Variants in DDR1 observed in about 807,000 individuals in gnomAD.
The protein encoded by DDR1 is epithelial discoidin domain-containing receptor 1.
DDR1 carries 64 observed loss-of-function variants against 97.4 expected under a neutral mutation model. That is an observed-to-expected ratio of 0.66 (90% CI 0.54 to 0.81). DDR1 has a LOEUF of 0.81. Ranked by LOEUF, DDR1 falls within the 30% of genes least tolerant of loss-of-function variation. DDR1 has a pLI of 0.00. For missense variants in DDR1, 990 were observed against 1,259.6 expected (o/e 0.79, Z 3.24); for synonymous variants, 458 against 503.7 (o/e 0.91, Z 1.21).
chr6:30,888,719 G>T lies in DDR1; in HGVS notation c.-11G>T. 1 of 1,612,734 alleles carries T rather than the reference G, an allele frequency of 6.2e-7. No homozygotes were observed. ...TGCCCCCACCCCCTTAGGCCCGAGG[G>T]ATCAGGAGCTATGGGACCAGAGGCC... On this transcript the variant is annotated 5_prime_UTR_variant, in exon 2 of 18. Coordinates refer to ENST00000376568, the MANE Select transcript of DDR1 (RefSeq NM_001297654.2). This position sits in a 1 kb window ranked among gnomAD's most constrained non-coding sequence, Gnocchi z 4.2.
rs201573522 is a variant in DDR1 at position 30,893,079 on chromosome 6, A to T, written c.1111A>T (p.Asn371Tyr). 272 of 1,612,388 alleles carry T rather than the reference A, an allele frequency of 1.7e-4. No individual in the cohort carries two copies. Among genetic ancestry groups the T allele is most frequent in the Non-Finnish European group, 2.1e-4 (244 of 1,179,806 alleles). The change falls in exon 9 of 18, where the codon AAT becomes TAT. Residue 371 changes from asparagine to tyrosine, a missense_variant. Transcript: ENST00000376568. ...TTCCTTCTCCCCAGATGTGGTGAAC[A>T]ATTCCTCTCCGGCACTGGGAGGCAC... ...EISFISDVVN[N>Y]SSPALGGTFP...
intron 1 of DDR1, among the ~76,000 whole-genome samples, chr6:30,887,759 AT>A (rs1190017524): frequency 6.6e-6 from 1 of 151,842 alleles, no homozygotes; most frequent in African/African-American, 2.4e-5. Flanking sequence ...CTTCTTTTTT[AT>A]TTTTATTTTT....
In DDR1 at chr6:30,891,941, G is replaced by A; in HGVS notation, c.666-61G>A. On this transcript the variant is annotated intron_variant, in intron 6 of 17. Transcript: ENST00000376568. This position sits in a 1 kb window ranked among gnomAD's most constrained non-coding sequence, Gnocchi z 5.3. The stretch of plus-strand genomic sequence containing the variant: ...GTGCCGGAGGGTGGCGGAGCAGAAT[G>A]CCTGGATGTCAAGACCCTCTTCCCT... 1 of 1,583,828 alleles carries A rather than the reference G, an allele frequency of 6.3e-7. No homozygotes were observed. The highest frequency in any genetic ancestry group is 8.6e-7 in the Non-Finnish European group (1 of 1,156,356).
rs1785193916 is a variant in DDR1, at chr6:30,884,845, A to AGACTCCCTGCCC, written c.-43+136_-43+137insACTCCCTGCCCG. On this transcript the variant is annotated intron_variant, in intron 1 of 17. Transcript: ENST00000376568. This position sits in a 1 kb window ranked among gnomAD's most constrained non-coding sequence, Gnocchi z 6.1. ...CATGCTTGGTCGTCCAGCTCTTCTAAGCCTCCCTGCCCGCCTCCCCGATGC... is the reference window on the plus strand; with the variant it reads ...CATGCTTGGTCGTCCAGCTCTTCTAAGACTCCCTGCCCGCCTCCCTGCCCGCCTCCCCGATGC... 4.3e-6 allele frequency: 1 copy of AGACTCCCTGCCC among 233,412 alleles called. No individual in the cohort carries two copies. The highest frequency in any genetic ancestry group is 1.5e-4 in the South Asian group (1 of 6,502). The allele number at this position is 233,412 out of a possible 1,614,324, so 14.5% of individuals were successfully genotyped here.
In DDR1 at chr6:30,891,306, C is replaced by A; in HGVS notation, c.566-74C>A. The A allele has an allele frequency of 6.9e-7, 1 of 1,445,436 alleles. No homozygotes were observed. Among genetic ancestry groups the A allele is most frequent in the Non-Finnish European group, 9.6e-7 (1 of 1,043,398 alleles). 89.5% of individuals were successfully genotyped at this position (1,445,436 alleles called of 1,614,324 possible). ...AGAGATACAAGAAGGGACCTGAAAC[C>A]TGCCCAGGCCTGATGCAGGGATGGG... On this transcript the variant is annotated intron_variant, in intron 5 of 17. Coordinates refer to ENST00000376568, the MANE Select transcript of DDR1 (RefSeq NM_001297654.2). This position sits in a 1 kb window ranked among gnomAD's most constrained non-coding sequence, Gnocchi z 5.3.
rs1790402560 is a variant in DDR1, at chr6:30,895,474, C to T, written c.1584C>T (p.Gly528=). Residue 528 remains glycine, a synonymous_variant, in exon 12 of 18, where the codon GGC becomes GGT. Coordinates refer to ENST00000376568, the MANE Select transcript of DDR1 (RefSeq NM_001297654.2). ...ACGCCCGTCCCCCTCGAGGCCCGGG[C>T]CCCCCCACACCCGCCTGGGCCAAAC... ...ATYARPPRGP[G]PPTPAWAKPT... is the part of the protein sequence containing the mutation. The T allele has an allele frequency of 2.5e-6, 4 of 1,602,136 alleles. No homozygotes were observed. The highest frequency in any genetic ancestry group is 1.1e-5 in the South Asian group (1 of 90,072).
At position 30,899,282 on chromosome 6, in the gene DDR1, C is replaced by G. The variant is rs778994942; in HGVS notation, c.2728C>G (p.Leu910Val). 32 of 1,612,028 alleles carry G rather than the reference C, an allele frequency of 2.0e-5. No individual in the cohort carries two copies. The highest frequency in any genetic ancestry group is 2.7e-5 in the Non-Finnish European group (32 of 1,178,600). The stretch of plus-strand genomic sequence containing the variant: ...GCATCGGTTCCTGGCAGAGGATGCA[C>G]TCAACACGGTGTGAATCACACATCC... The part of the protein sequence containing the change: ...QLHRFLAEDA[L>V]NTV The change falls in exon 18 of 18, where the codon CTC becomes GTC. Residue 910 changes from leucine to valine, a missense_variant. Leu to Val is a conservative substitution (Grantham distance 32). Transcript: ENST00000376568.
Position 30,891,483 on chromosome 6 carries a change from A to C in DDR1, c.665+4A>C. On this transcript the variant is annotated splice_donor_region_variant and intron_variant, in intron 6 of 17. Transcript: ENST00000376568. The surrounding 1 kb of genome is among the most constrained non-coding windows in gnomAD (Gnocchi z 5.3). Reference sequence around the variant, plus strand: ...ATGACGGACATACCGTGGGCGGGTAAGAAAGGCCCCTGCAGGATATGGAGT... The same window carrying C: ...ATGACGGACATACCGTGGGCGGGTACGAAAGGCCCCTGCAGGATATGGAGT... The C allele has an allele frequency of 6.2e-7, 1 of 1,608,848 alleles. No individual in the cohort carries two copies. Among genetic ancestry groups the C allele is most frequent in the South Asian group, 1.1e-5 (1 of 90,932 alleles).
chr6:30,882,630 A>T (rs1466761178), upstream of DDR1: 1 of 152,412 alleles, frequency 6.6e-6, no homozygotes, highest in Non-Finnish European at 1.5e-5. This position sits in a 1 kb window ranked among gnomAD's most constrained non-coding sequence, Gnocchi z 4.8. Flanking sequence ...AGCTGGGGCG[A>T]GGTGGGCATC....
Position 30,891,560 on chromosome 6 carries a change from A to AGT in DDR1, c.665+92_665+93dup. On this transcript the variant is annotated intron_variant, in intron 6 of 17. Transcript: ENST00000376568. The surrounding 1 kb of genome is among the most constrained non-coding windows in gnomAD (Gnocchi z 5.3). ...GTGTGTGTGTGTGTGTGTGTGTGAG[A>AGT]GTGTGTGTGTGTAGGGGGGCTGGTA... The AGT allele has an allele frequency of 6.1e-6, 3 of 487,996 alleles. No homozygotes were observed. Among genetic ancestry groups the AGT allele is most frequent in the Non-Finnish European group, 9.4e-6 (3 of 318,962 alleles). 30.2% of individuals were successfully genotyped at this position (487,996 alleles called of 1,614,324 possible).
At chr6:30,892,614 C>T in intron 8 of DDR1, 72 bp downstream of exon 8, 1 of 1,487,866 alleles carries the variant, frequency 6.7e-7, no homozygotes, top group Non-Finnish European at 8.9e-7. Context: ...CCTGCAGTGT[C>T]CCTAAAATAC....
chr6:30,889,117 A>AG lies in DDR1; in HGVS notation c.189-80dup. On this transcript the variant is annotated intron_variant, in intron 3 of 17. Coordinates refer to ENST00000376568, the MANE Select transcript of DDR1 (RefSeq NM_001297654.2). The surrounding 1 kb of genome is among the most constrained non-coding windows in gnomAD (Gnocchi z 4.9). Reference sequence around the variant, plus strand: ...ATGCCAGTGAAACCCCTGCAGGCTGAGGGGGCAAATGAAGTGGGGTTTAAA... The same window carrying AG: ...ATGCCAGTGAAACCCCTGCAGGCTGAGGGGGGCAAATGAAGTGGGGTTTAAA... 5 of 1,580,922 alleles carry AG rather than the reference A, an allele frequency of 3.2e-6. No individual in the cohort carries two copies. Among genetic ancestry groups the AG allele is most frequent in the Non-Finnish European group, 4.3e-6 (5 of 1,152,158 alleles).
Position 30,893,398 on chromosome 6 carries a change from T to A in DDR1, c.1322T>A (p.Leu441Gln), listed in dbSNP as rs1390383141. ...ATCATTGCCCTCATGCTCTGGCGGC[T>A]GCACTGGCGCAGGCTCCTCAGCAAG... ...LLIIALMLWR[L>Q]HWRRLLSKAE... The change falls in exon 10 of 18, where the codon CTG (leucine) becomes CAG (glutamine). Residue 441 changes from leucine to glutamine, a missense_variant. Coordinates refer to ENST00000376568, the MANE Select transcript of DDR1 (RefSeq NM_001297654.2). 1.2e-6 allele frequency: 2 copies of A among 1,605,968 alleles called. No homozygotes were observed. Among genetic ancestry groups the A allele is most frequent in the Admixed American group, 1.7e-5 (1 of 60,004 alleles).
chr6:30,899,776 C>T lies in DDR1; in HGVS notation c.*480C>T, dbSNP rs1185869975. ...GACAAGAAGGAGAGGAAAATGTTTC[C>T]TTGTGCCTGCTCCTGTACTTGTCCT... On this transcript the variant is annotated 3_prime_UTR_variant, in exon 18 of 18. Coordinates refer to ENST00000376568, the MANE Select transcript of DDR1 (RefSeq NM_001297654.2). 1.2e-5 allele frequency: 4 copies of T among 337,570 alleles called. No homozygotes were observed. Among genetic ancestry groups the T allele is most frequent in the Non-Finnish European group, 2.2e-5 (4 of 180,466 alleles). 20.9% of individuals were successfully genotyped at this position (337,570 alleles called of 1,614,324 possible). A position where few individuals can be genotyped will look rare whatever the true frequency, so the allele number is the denominator to read the frequency against.
chr6:30,892,901 A>G lies in DDR1; in HGVS notation c.1100-167A>G, dbSNP rs943654915. ...AGCAACTATAGGGTTAACACCCACC[A>G]CAGCTGGGTGTTCCAGGACCCTGCT... On this transcript the variant is annotated intron_variant, in intron 8 of 17. Coordinates refer to ENST00000376568, the MANE Select transcript of DDR1 (RefSeq NM_001297654.2). The G allele has an allele frequency of 4.6e-6, 3 of 648,978 alleles. No homozygotes were observed. The African/African-American group carries it at 5.5e-5, about 12-fold the overall frequency. 40.2% of individuals were successfully genotyped at this position (648,978 alleles called of 1,614,324 possible). A position where few individuals can be genotyped will look rare whatever the true frequency, so the allele number is the denominator to read the frequency against.
In DDR1 at chr6:30,899,493, T is replaced by C. The variant is rs1448010622; in HGVS notation, c.*197T>C. 3.3e-5 allele frequency: 21 copies of C among 642,240 alleles called. No individual in the cohort carries two copies. Among genetic ancestry groups the C allele is most frequent in the Non-Finnish European group, 4.9e-5 (19 of 385,242 alleles). 39.8% of individuals were successfully genotyped at this position (642,240 alleles called of 1,614,324 possible). A position where few individuals can be genotyped will look rare whatever the true frequency, so the allele number is the denominator to read the frequency against. On this transcript the variant is annotated 3_prime_UTR_variant, in exon 18 of 18. Transcript: ENST00000376568. ...TCTCCCCTTCCTGGACACACTCTCA[T>C]GTCCCCTTCCTGTTCTTCCTTCCTA...
In DDR1 at chr6:30,899,968, C is replaced by T. The variant is rs867265423; in HGVS notation, c.*672C>T. The T allele has an allele frequency of 3.5e-6, 2 of 569,178 alleles. No individual in the cohort carries two copies. Among genetic ancestry groups the T allele is most frequent in the Middle Eastern group, 5.8e-4 (2 of 3,468 alleles). 35.3% of individuals were successfully genotyped at this position (569,178 alleles called of 1,614,324 possible). ...ATTGGGATTGGGGGGAAAGAGGGAG[C>T]AACGGCCCATAGCCTTGGGGTTGGA... On this transcript the variant is annotated 3_prime_UTR_variant, in exon 18 of 18. Transcript: ENST00000376568.
In DDR1 at chr6:30,890,818, A is replaced by G; in HGVS notation, c.418-155A>G. 4.4e-6 allele frequency: 3 copies of G among 675,228 alleles called. No homozygotes were observed. Among genetic ancestry groups the G allele is most frequent in the South Asian group, 5.2e-5 (2 of 38,674 alleles). 41.8% of individuals were successfully genotyped at this position (675,228 alleles called of 1,614,324 possible). ...TCAGCTGCAGATCTTCATTTCACCC[A>G]TGCCTGGCTGCGCCCCACAGTGCTG... is the stretch of plus-strand genomic sequence containing the variant. On this transcript the variant is annotated intron_variant, in intron 4 of 17. Coordinates refer to ENST00000376568, the MANE Select transcript of DDR1 (RefSeq NM_001297654.2). This position sits in a 1 kb window ranked among gnomAD's most constrained non-coding sequence, Gnocchi z 5.0.
rs1785670083 is a variant in DDR1 at position 30,886,008 on chromosome 6, G to A, written c.-43+1298G>A. 6.6e-6 allele frequency among the ~76,000 whole-genome samples: 1 copy of A among 152,090 alleles called. No homozygotes were observed. The highest frequency in any genetic ancestry group is 1.5e-5 in the Non-Finnish European group (1 of 68,024). On this transcript the variant is annotated intron_variant, in intron 1 of 17. Transcript: ENST00000376568. The surrounding 1 kb of genome is among the most constrained non-coding windows in gnomAD (Gnocchi z 4.6). ...TGGGCTTGTCCTCTCTTGCCCTCTG[G>A]GTCTCTGACTGTGGACTGAAGACCC... is the stretch of plus-strand genomic sequence containing the variant.
Sources: gnomAD v4.1 joint callset for allele counts (sites outside exome capture counted in the v4.1 genomes callset) on GRCh38, gnomAD v4.1.1 for gene constraint, Gnocchi (gnomAD v3.1) non-coding constraint, MANE v1.5 for transcripts, NCBI Gene and HGNC (gene_info 2026-07-23, HGNC 2026-07-21) for gene names.